Variants in DGKB observed in about 807,000 individuals in gnomAD.
DGKB encodes diacylglycerol kinase beta.
A neutral mutation model predicts 114.3 loss-of-function variants in DGKB; 67 were observed. The ratio of observed to expected loss-of-function variants is 0.59; its 90% CI spans 0.48 to 0.72. DGKB has a LOEUF of 0.72. DGKB is among the 30% of genes least tolerant of loss of function. DGKB has a pLI of 0.00. For missense variants in DGKB, 907 were observed against 975.2 expected (o/e 0.93, Z 0.93); for synonymous variants, 398 against 323.1 (o/e 1.23, Z -2.49).
intron 20 of DGKB, among the ~76,000 whole-genome samples, chr7:14,479,048 C>T (rs1782610481): frequency 6.6e-6 from 1 of 152,024 alleles, no homozygotes; most frequent in South Asian, 2.1e-4. Flanking sequence ...TCTGTTATTC[C>T]AAGTGTGGAG....
chr7:14,170,175 A>G (rs1302721740), intron 25 of DGKB, among the ~76,000 whole-genome samples: 33 of 145,136 alleles, frequency 2.3e-4, no homozygotes, highest in Admixed American at 5.0e-4. Flanking sequence ...GAAAGAAAGA[A>G]AGAAAGAAAG....
Position 14,787,669 on chromosome 7 carries a change from C to G in DGKB, c.71-29938G>C, listed in dbSNP as rs561868648. On this transcript the variant is annotated intron_variant, in intron 2 of 25. Coordinates refer to ENST00000402815, the MANE Select transcript of DGKB (RefSeq NM_001350709.2). ...CTAAGAGTCACCAGCTCTTCTCCAC[C>G]CCTCTCTGAAGGTGCTGACAAGAAA... Among the ~76,000 whole-genome samples, 6 of 152,272 alleles carry G rather than the reference C, an allele frequency of 3.9e-5. No individual in the cohort carries two copies. In the East Asian group the frequency reaches 1.2e-3, roughly 29 times the overall value.
chr7:14,774,895 G>A (rs903502873), intron 2 of DGKB, among the ~76,000 whole-genome samples: 5 of 152,174 alleles, frequency 3.3e-5, no homozygotes, highest in East Asian at 1.9e-4. Context: ...AGTGGCATGT[G>A]TTTCTTTGCT....
intron 21 of DGKB, among the ~76,000 whole-genome samples, chr7:14,422,937 C>A (rs999159817): frequency 6.6e-6 from 1 of 151,900 alleles, no homozygotes; most frequent in Non-Finnish European, 1.5e-5. Flanking sequence ...ACGAGATCAG[C>A]GCCTGTTTTG....
chr7:14,255,415 C>T (rs979718972), intron 23 of DGKB, among the ~76,000 whole-genome samples: 1 of 152,108 alleles, frequency 6.6e-6, no homozygotes, highest in Admixed American at 6.5e-5. Context: ...CAATTAAAGA[C>T]ATTTCACTCT....
intron 23 of DGKB, among the ~76,000 whole-genome samples, chr7:14,276,351 C>G (rs1366934151): frequency 6.6e-6 from 1 of 152,046 alleles, no homozygotes; most frequent in African/African-American, 2.4e-5. Context: ...GTACTTCTTT[C>G]AAAAAGTATT....
chr7:14,440,784 T>C (rs144223634), intron 21 of DGKB, among the ~76,000 whole-genome samples: 260 of 152,312 alleles, frequency 1.7e-3, no homozygotes, highest in African/African-American at 5.9e-3. Context: ...TTTAAATTTA[T>C]GTCTACTGAC....
intron 20 of DGKB, among the ~76,000 whole-genome samples, chr7:14,556,721 A>G (rs754849984): frequency 6.6e-6 from 1 of 152,184 alleles, no homozygotes; most frequent in Non-Finnish European, 1.5e-5. Flanking sequence ...GTCCTTAGAC[A>G]TACTACTTGA....
intron 21 of DGKB, among the ~76,000 whole-genome samples, chr7:14,358,833 C>A (rs1024261023): frequency 6.6e-6 from 1 of 152,166 alleles, no homozygotes; most frequent in African/African-American, 2.4e-5. Flanking sequence ...ACATTCCATG[C>A]TCATGGATAA....
At chr7:14,455,968 A>G (rs1458443330) in intron 21 of DGKB, among the ~76,000 whole-genome samples, 3 of 152,028 alleles carry the variant, frequency 2.0e-5, no homozygotes, top group Admixed American at 2.0e-4. Flanking sequence ...TTTAAAATGT[A>G]TACACCGTAT....
intron 1 of DGKB, among the ~76,000 whole-genome samples, chr7:14,884,137 T>C (rs1395635734): frequency 6.6e-6 from 1 of 152,024 alleles, no homozygotes; most frequent in Non-Finnish European, 1.5e-5. Flanking sequence ...GTGATCTCTG[T>C]TGTTGCAGTG....
chr7:14,698,013 GAAA>G, intron 8 of DGKB, 79 bp downstream of exon 8: 2 of 748,652 alleles, frequency 2.7e-6, no homozygotes, highest in Admixed American at 2.5e-5. Context: ...AAGAAAGAAA[GAAA>G]GAGAAAGAAA....
In DGKB at chr7:14,524,196, C is replaced by A. The variant is rs146003324; in HGVS notation, c.1771-45971G>T. ...GACATATTTCATATTCTAAAAATTTCTTAGATGATACACCAAGAGTTTAAA... is the reference window on the plus strand; with the variant it reads ...GACATATTTCATATTCTAAAAATTTATTAGATGATACACCAAGAGTTTAAA... On this transcript the variant is annotated intron_variant, in intron 20 of 25. Coordinates refer to ENST00000402815, the MANE Select transcript of DGKB (RefSeq NM_001350709.2). Among the ~76,000 whole-genome samples the A allele has an allele frequency of 3.6e-3, 543 of 151,996 alleles. 4 individuals carry two copies. The highest frequency in any genetic ancestry group is 0.012 in the African/African-American group (512 of 41,468).
At chr7:14,907,290 C>T (rs1783760015), upstream of DGKB, among the ~76,000 whole-genome samples, 1 of 152,226 alleles carries the variant, frequency 6.6e-6, no homozygotes, top group Non-Finnish European at 1.5e-5. Flanking sequence ...AATTTCTGGG[C>T]AGGCCATTTA....
At chr7:14,711,823 G>A (rs138060285) in intron 6 of DGKB, among the ~76,000 whole-genome samples, 7 of 152,232 alleles carry the variant, frequency 4.6e-5, no homozygotes, top group African/African-American at 1.4e-4. Context: ...TGGGCTAAAG[G>A]TACTCAGGAA....
At chr7:14,706,716 A>G (rs1435532768) in intron 6 of DGKB, among the ~76,000 whole-genome samples, 1 of 90,564 alleles carries the variant, frequency 1.1e-5, no homozygotes. Context: ...CTGAATGACT[A>G]CTGGGTACAT....
chr7:14,202,635 AT>A (rs537021361), intron 23 of DGKB, among the ~76,000 whole-genome samples: 35 of 152,148 alleles, frequency 2.3e-4, no homozygotes, highest in African/African-American at 3.6e-4. Flanking sequence ...ATATAAAAAA[AT>A]ATTATATAGA....
intron 25 of DGKB, among the ~76,000 whole-genome samples, chr7:14,152,240 C>A (rs1193271953): frequency 6.6e-6 from 1 of 152,042 alleles, no homozygotes; most frequent in African/African-American, 2.4e-5. Flanking sequence ...TGAGTGCCTC[C>A]TTCTATTAAG....
At chr7:14,720,142 T>A (rs1350867206) in intron 5 of DGKB, among the ~76,000 whole-genome samples, 1 of 152,028 alleles carries the variant, frequency 6.6e-6, no homozygotes, top group Admixed American at 6.6e-5. Flanking sequence ...GATTCATAAT[T>A]GCCCAAATAT....
Sources: allele counts gnomAD v4.1 joint callset (sites outside exome capture counted in the v4.1 genomes callset), GRCh38; gene constraint gnomAD v4.1.1; transcripts MANE v1.5; gene names NCBI Gene and HGNC (gene_info 2026-07-23, HGNC 2026-07-21).